SCLY: variants seen among roughly 807,000 people sequenced by gnomAD.
SCLY encodes putative selenocysteine lyase.
In SCLY, 38 loss-of-function variants were observed where a neutral mutation model predicts 50.1. The ratio of observed to expected loss-of-function variants is 0.76; its 90% confidence interval spans 0.59 to 0.99. The LOEUF is 0.99. Ranked by LOEUF, SCLY falls within the 50% of genes least tolerant of loss-of-function variation. SCLY has a pLI of 0.00. For synonymous variants in SCLY, 243 were observed against 249.4 expected (o/e 0.97, Z 0.24); for missense variants, 600 against 620.0 (o/e 0.97, Z 0.34).
chr2:238,061,101 C>T lies in SCLY; in HGVS notation c.47C>T (p.Ala16Val), dbSNP rs920255355. 1 of 1,405,228 alleles carries T rather than the reference C, an allele frequency of 7.1e-7. No homozygotes were observed. Among genetic ancestry groups the T allele is most frequent in the South Asian group, 1.5e-5 (1 of 65,428 alleles). 87.0% of individuals were successfully genotyped at this position (1,405,228 alleles called of 1,614,324 possible). ...GGGAGGGATGCGCCGGCACCCGCGGCGAGTCAGCCCAGCGGCTGCGGGAAA... is the reference window on the plus strand; with the variant it reads ...GGGAGGGATGCGCCGGCACCCGCGGTGAGTCAGCCCAGCGGCTGCGGGAAA... ...APGRDAPAPAASQPSGCGKHN... is the reference protein window; with the variant it reads ...APGRDAPAPAVSQPSGCGKHN... The change falls in exon 1 of 12, where the codon GCG becomes GTG. Residue 16 changes from alanine (A) to valine (V), a missense_variant. Ala to Val is a moderately conservative substitution (Grantham distance 64, BLOSUM62 0). Transcript: ENST00000254663.
intron 7 of SCLY, among the ~76,000 whole-genome samples, chr2:238,086,817 T>C (rs1047938702): frequency 1.3e-5 from 2 of 151,334 alleles, no homozygotes; most frequent in Non-Finnish European, 2.9e-5. Context: ...GTCAGGAGTT[T>C]GAGACCAGCC....
At position 238,098,365 on chromosome 2, in the gene SCLY, C is replaced by T. The variant is rs780204989; in HGVS notation, c.*10C>T. ...GGAGGACCAGGCCTAGCACTGGGGCCGCCTTCCCCACCCCGCTTCTGGGAA... is the reference window on the plus strand; with the variant it reads ...GGAGGACCAGGCCTAGCACTGGGGCTGCCTTCCCCACCCCGCTTCTGGGAA... On this transcript the variant is annotated 3_prime_UTR_variant, in exon 12 of 12. Transcript: ENST00000254663. 63 of 1,581,386 alleles carry T rather than the reference C, an allele frequency of 4.0e-5. No individual in the cohort carries two copies. Among genetic ancestry groups the T allele is most frequent in the Non-Finnish European group, 4.7e-5 (55 of 1,166,536 alleles).
rs371174232 is a variant in SCLY at position 238,098,170 on chromosome 2, C to T, written c.1185-32C>T. 9.4e-6 allele frequency: 15 copies of T among 1,601,568 alleles called. No individual in the cohort carries two copies. In the African/African-American group the frequency reaches 1.7e-4, roughly 19 times the overall value. Reference sequence around the variant, plus strand: ...CTGTGTCTCTTCCATGTGCCCTCAGCAGCAGCTGCAGCTCGGTCTCGCCCT... The same window carrying T: ...CTGTGTCTCTTCCATGTGCCCTCAGTAGCAGCTGCAGCTCGGTCTCGCCCT... On this transcript the variant is annotated intron_variant, in intron 11 of 11. Coordinates refer to ENST00000254663, the MANE Select transcript of SCLY (RefSeq NM_016510.7).
intron 8 of SCLY, chr2:238,091,551 A>ACGC: frequency 2.5e-6 from 1 of 404,518 alleles, no homozygotes; most frequent in Non-Finnish European, 4.6e-6. Flanking sequence ...CAGGTTCACC[A>ACGC]TTCCCAAAGG....
At chr2:238,088,649 T>C (rs1323214908) in intron 7 of SCLY, among the ~76,000 whole-genome samples, 1 of 152,204 alleles carries the variant, frequency 6.6e-6, no homozygotes, top group Non-Finnish European at 1.5e-5. Flanking sequence ...ATCTACCATA[T>C]TAACAAGCTA....
intron 1 of SCLY, 152 bp from the exon 2 acceptor site, chr2:238,064,205 G>A (rs879504084): frequency 1.2e-5 from 5 of 406,868 alleles, no homozygotes; most frequent in Non-Finnish European, 2.2e-5. Context: ...AGATTCCCAA[G>A]TGCAGCTTGT....
rs776899057 is a variant in SCLY at position 238,083,182 on chromosome 2, T to G, written c.778-66T>G. ...TTTCTCCTGTGTGCCCCTAAGCACTTAGCATGTATACAGAGTAGGTCCTTG... is the reference window on the plus strand; with the variant it reads ...TTTCTCCTGTGTGCCCCTAAGCACTGAGCATGTATACAGAGTAGGTCCTTG... On this transcript the variant is annotated intron_variant, in intron 6 of 11. Transcript: ENST00000254663. This position sits in a 1 kb window ranked among gnomAD's most constrained non-coding sequence, Gnocchi z 4.3. The G allele has an allele frequency of 3.6e-6, 4 of 1,106,578 alleles. No individual in the cohort carries two copies. Among genetic ancestry groups the G allele is most frequent in the Non-Finnish European group, 5.6e-6 (4 of 717,696 alleles). The allele number at this position is 1,106,578 out of a possible 1,614,324, so 68.5% of individuals were successfully genotyped here.
intron 4 of SCLY, chr2:238,073,729 T>C (rs2065147079): frequency 7.5e-5 from 35 of 467,468 alleles, no homozygotes; most frequent in South Asian, 5.1e-4. Context: ...TTCTCCTATC[T>C]CTACTGTCTC....
chr2:238,061,187 C>A, intron 1 of SCLY, 44 bp downstream of exon 1: 1 of 1,394,724 alleles, frequency 7.2e-7, no homozygotes, highest in Non-Finnish European at 9.8e-7. Flanking sequence ...CGGCGCCTGT[C>A]GCCGATTGTC....
intron 1 of SCLY, chr2:238,061,372 A>T (rs1421403353): frequency 1.5e-6 from 1 of 686,352 alleles, no homozygotes; most frequent in East Asian, 2.9e-5. Flanking sequence ...CCGAAACCCG[A>T]GTGACTTCCA....
intron 8 of SCLY, chr2:238,091,523 AGGT>A: frequency 2.3e-6 from 1 of 430,054 alleles, no homozygotes; most frequent in Non-Finnish European, 4.3e-6. Flanking sequence ...GTTACAGCAG[AGGT>A]GAAGTGTCAA....
chr2:238,084,893 C>CAAAAAAAAAA (rs377025100), intron 7 of SCLY, among the ~76,000 whole-genome samples: 5 of 107,492 alleles, frequency 4.7e-5, no homozygotes, highest in Admixed American at 1.1e-4. Context: ...GACTCCATCT[C>CAAAAAAAAAA]AAAAAAAAAA....
At chr2:238,085,216 C>A (rs2326009) in intron 7 of SCLY, among the ~76,000 whole-genome samples, 131,275 of 152,222 alleles carry the variant, frequency 0.86, 56,766 homozygotes, top group East Asian at 0.97. Context: ...TTGTGAACAC[C>A]CTTGAAACAA....
intron 4 of SCLY, chr2:238,078,465 T>G (rs1236802136): frequency 6.6e-6 from 1 of 152,192 alleles, no homozygotes; most frequent in Non-Finnish European, 1.5e-5. Context: ...AATTCTTTAG[T>G]GCTTTTTTCA....
chr2:238,093,352 TG>T (rs1192863262), intron 8 of SCLY: 1 of 160,198 alleles, frequency 6.2e-6, no homozygotes, highest in Non-Finnish European at 1.4e-5. Flanking sequence ...CTGCAGGGCC[TG>T]TCGATCTGTC....
chr2:238,085,145 A>T (rs1290291581), intron 7 of SCLY, among the ~76,000 whole-genome samples: 1 of 152,244 alleles, frequency 6.6e-6, no homozygotes, highest in African/African-American at 2.4e-5. Flanking sequence ...TAAGATGATG[A>T]TGTTAAAATT....
At chr2:238,065,663 A>ATTT (rs1445967335) in intron 2 of SCLY, among the ~76,000 whole-genome samples, 5 of 63,290 alleles carry the variant, frequency 7.9e-5, no homozygotes, top group African/African-American at 1.7e-4. Context: ...ATTTTATTTT[A>ATTT]TTATTATTAT....
At chr2:238,095,784 A>T (rs573850401) in intron 10 of SCLY, 3 of 152,338 alleles carry the variant, frequency 2.0e-5, no homozygotes, top group Admixed American at 2.0e-4. Flanking sequence ...GTCGTCACCC[A>T]GGCTGGAGTG....
Position 238,098,272 on chromosome 2 carries a change from G to A in SCLY, c.1255G>A (p.Gly419Ser), listed in dbSNP as rs760071087. The A allele has an allele frequency of 1.9e-6, 3 of 1,610,448 alleles. No homozygotes were observed. Among genetic ancestry groups the A allele is most frequent in the South Asian group, 2.2e-5 (2 of 91,040 alleles). The change falls in exon 12 of 12, where the codon GGC (glycine) becomes AGC (serine). Residue 419 changes from glycine to serine, a missense_variant. By Grantham distance (56) the Gly-to-Ser change is moderately conservative (BLOSUM62 0). Coordinates refer to ENST00000254663, the MANE Select transcript of SCLY (RefSeq NM_016510.7). Reference protein sequence around the residue: ...VARNALRLSVGRSTTRAEVDL... With the variant: ...VARNALRLSVSRSTTRAEVDL... The stretch of plus-strand genomic sequence containing the variant: ...CAGGAACGCGCTCCGGCTCAGCGTG[G>A]GCCGCAGCACCACCAGGGCCGAGGT...
Sources: gnomAD v4.1 joint callset for allele counts (sites outside exome capture counted in the v4.1 genomes callset) on GRCh38, gnomAD v4.1.1 for gene constraint, Gnocchi (gnomAD v3.1) non-coding constraint, MANE v1.5 for transcripts, NCBI Gene and HGNC (gene_info 2026-07-23, HGNC 2026-07-21) for gene names.